Variants in ADAMTSL1 observed in about 807,000 individuals in gnomAD.
The protein encoded by ADAMTSL1 is ADAMTS like 1, also known as ADAMTS-like protein 1.
ADAMTSL1 carries 126 observed loss-of-function variants against 201.8 expected under a neutral mutation model. The observed-to-expected ratio is 0.62, with a 90% CI of 0.54 to 0.72. The LOEUF is 0.72. Among genes scored for constraint, ADAMTSL1 ranks in the 30% least tolerant of loss-of-function variants. ADAMTSL1 has a pLI of 0.00. For missense variants in ADAMTSL1, 2,679 were observed against 2,277.8 expected (o/e 1.18, Z -3.59); for synonymous variants, 1,121 against 903.4 (o/e 1.24, Z -4.32).
intron 1 of ADAMTSL1, among the ~76,000 whole-genome samples, chr9:18,014,206 T>A (rs1820164329): frequency 6.6e-6 from 1 of 151,936 alleles, no homozygotes; most frequent in African/African-American, 2.4e-5. Context: ...CCCATACACT[T>A]CCAGGATGCT....
In ADAMTSL1 at chr9:18,031,632, T is replaced by A. The variant is rs573756073; in HGVS notation, c.87+124710T>A. On this transcript the variant is annotated intron_variant, in intron 1 of 29. Transcript: ENST00000680146. Reference sequence around the variant, plus strand: ...GAAGGGGAGATGGGAGGGTGAGAGATACCTGCCCCCACCCACCCTCCAAGT... The same window carrying A: ...GAAGGGGAGATGGGAGGGTGAGAGAAACCTGCCCCCACCCACCCTCCAAGT... 9.9e-5 allele frequency among the ~76,000 whole-genome samples: 15 copies of A among 152,248 alleles called. No homozygotes were observed. The South Asian group carries it at 2.7e-3, about 27-fold the overall frequency.
intron 1 of ADAMTSL1, among the ~76,000 whole-genome samples, chr9:17,979,306 T>G (rs1371496823): frequency 6.6e-6 from 1 of 152,034 alleles, no homozygotes; most frequent in African/African-American, 2.4e-5. Context: ...TTAATGCACA[T>G]ATTTGTTCTT....
rs1168721249 is a variant in ADAMTSL1 at position 18,020,995 on chromosome 9, CA to C, written c.87+114076del. 2.0e-5 allele frequency among the ~76,000 whole-genome samples: 3 copies of C among 152,244 alleles called. No individual in the cohort carries two copies. The East Asian group carries it at 5.8e-4, about 29-fold the overall frequency. On this transcript the variant is annotated intron_variant, in intron 1 of 29. Transcript: ENST00000680146. ...TGGGCGTGATAGCCCCAGTGCCACT[CA>C]AAGGATGGTCTGCACAGTGGTACTG...
chr9:18,369,222 T>C (rs549264463), intron 2 of ADAMTSL1, among the ~76,000 whole-genome samples: 3 of 152,234 alleles, frequency 2.0e-5, no homozygotes, highest in African/African-American at 7.2e-5. Flanking sequence ...TTAGTTGAAC[T>C]CACAACTCGA....
At chr9:18,090,470 T>C (rs895228622) in intron 1 of ADAMTSL1, among the ~76,000 whole-genome samples, 1 of 152,194 alleles carries the variant, frequency 6.6e-6, no homozygotes, top group African/African-American at 2.4e-5. Flanking sequence ...GAAGACATTA[T>C]GCTAAGTTAA....
chr9:18,839,009 A>C (rs1245993380), intron 23 of ADAMTSL1, among the ~76,000 whole-genome samples: 1 of 143,166 alleles, frequency 7.0e-6, no homozygotes, highest in Non-Finnish European at 1.5e-5. Context: ...CCCTCTTTTT[A>C]GCAGCACACT....
At chr9:18,326,703 C>T (rs571571901) in intron 2 of ADAMTSL1, among the ~76,000 whole-genome samples, 261 of 152,308 alleles carry the variant, frequency 1.7e-3, no homozygotes, top group African/African-American at 5.9e-3. Context: ...TCCCTTCCCC[C>T]TTGGTAAATG....
intron 15 of ADAMTSL1, among the ~76,000 whole-genome samples, chr9:18,743,773 C>T (rs149597418): frequency 1.8e-3 from 280 of 152,284 alleles, no homozygotes; most frequent in African/African-American, 6.4e-3. Context: ...CATATTTTTG[C>T]TCTTTAATGT....
intron 19 of ADAMTSL1, 49 bp downstream of exon 19, chr9:18,777,955 T>C: frequency 4.6e-6 from 7 of 1,513,594 alleles, no homozygotes; most frequent in Non-Finnish European, 6.2e-6. Context: ...AGGGGCCACA[T>C]CTGGCCCAAG....
At chr9:18,687,813 GAAATAAATAACACGTT>G (rs1830927511) in intron 13 of ADAMTSL1, among the ~76,000 whole-genome samples, 1 of 152,130 alleles carries the variant, frequency 6.6e-6, no homozygotes, top group Non-Finnish European at 1.5e-5. Context: ...GAATTGCCAA[GAAATAAATAACACGTT>G]ATAGACCAGA....
rs534222969 is a variant in ADAMTSL1, at chr9:18,556,140, G to A, written c.238-17890G>A. 2.0e-5 allele frequency among the ~76,000 whole-genome samples: 3 copies of A among 152,016 alleles called. No homozygotes were observed. The East Asian group carries it at 5.8e-4, about 29-fold the overall frequency. On this transcript the variant is annotated intron_variant, in intron 3 of 28. Coordinates refer to ENST00000380548, the MANE Select transcript of ADAMTSL1 (RefSeq NM_001040272.6). ...CGCCTTGCACAGAATCAGCCTTAAA[G>A]AAAGATAGAATAGGAAAGGAAGTTG...
At chr9:17,941,647 A>G (rs979593088) in intron 1 of ADAMTSL1, among the ~76,000 whole-genome samples, 2 of 152,142 alleles carry the variant, frequency 1.3e-5, no homozygotes, top group African/African-American at 4.8e-5. Context: ...TCGGGGCAAT[A>G]TTAAATACTT....
At chr9:18,606,381 T>C (rs1000895703) in intron 4 of ADAMTSL1, among the ~76,000 whole-genome samples, 1 of 152,152 alleles carries the variant, frequency 6.6e-6, no homozygotes, top group African/African-American at 2.4e-5. Flanking sequence ...TGCTGAGAAA[T>C]AAACTTAGGA....
chr9:18,415,438 A>G (rs574982990), intron 2 of ADAMTSL1, among the ~76,000 whole-genome samples: 2 of 152,298 alleles, frequency 1.3e-5, no homozygotes, highest in African/African-American at 4.8e-5. Flanking sequence ...TTAGTAACAG[A>G]TTAGCTGTTG....
chr9:18,476,156 TA>T (rs1321300561), intron 1 of ADAMTSL1, among the ~76,000 whole-genome samples: 2 of 152,212 alleles, frequency 1.3e-5, no homozygotes, highest in African/African-American at 2.4e-5. Context: ...GACTGATGTT[TA>T]CATACATCCC....
intron 2 of ADAMTSL1, among the ~76,000 whole-genome samples, chr9:18,208,335 G>A (rs1395465045): frequency 6.6e-6 from 1 of 152,064 alleles, no homozygotes; most frequent in East Asian, 1.9e-4. Context: ...ATAAACACAA[G>A]GGAACTTTCT....
At chr9:18,825,348 C>G (rs1358784268) in intron 21 of ADAMTSL1, among the ~76,000 whole-genome samples, 1 of 152,212 alleles carries the variant, frequency 6.6e-6, no homozygotes, top group African/African-American at 2.4e-5. Context: ...CCCATCCCAT[C>G]TCTCTCACAG....
At chr9:18,842,321 G>T (rs1825773018) in intron 23 of ADAMTSL1, among the ~76,000 whole-genome samples, 1 of 152,102 alleles carries the variant, frequency 6.6e-6, no homozygotes, top group African/African-American at 2.4e-5. Context: ...GGAGCAGGTT[G>T]TTCAGTTTCC....
At chr9:18,630,625 C>G (rs1050938300) in intron 5 of ADAMTSL1, among the ~76,000 whole-genome samples, 8 of 148,768 alleles carry the variant, frequency 5.4e-5, no homozygotes, top group Admixed American at 1.4e-4. Flanking sequence ...AATGTTGGGC[C>G]TTATCTGATG....
Sources: gnomAD v4.1 joint callset for allele counts (sites outside exome capture counted in the v4.1 genomes callset) on GRCh38, gnomAD v4.1.1 for gene constraint, MANE v1.5 for transcripts, NCBI Gene and HGNC (gene_info 2026-07-23, HGNC 2026-07-21) for gene names.